The following LONRF2 variants were observed in gnomAD, a reference collection of about 807,000 sequenced individuals.
LONRF2 encodes the protein LON peptidase N-terminal domain and ring finger 2.
A neutral mutation model predicts 66.6 loss-of-function variants in LONRF2; 35 were observed. That is an observed-to-expected ratio of 0.53 (90% confidence interval 0.40 to 0.70). The LOEUF (loss-of-function observed/expected upper bound fraction) is 0.70. Among genes scored for constraint, LONRF2 ranks in the 30% least tolerant of loss-of-function variants. The probability of loss-of-function intolerance (pLI) is 0.00; values close to 1 mark genes in which losing one functional copy is unlikely to be tolerated. For synonymous variants in LONRF2, 417 were observed against 418.1 expected (o/e 1.00, Z 0.03); for missense variants, 902 against 1,002.1 (o/e 0.90, Z 1.35).
intron 4 of LONRF2, among the ~76,000 whole-genome samples, chr2:100,300,365 TG>T (rs1442260240): frequency 2.0e-5 from 3 of 152,194 alleles, no homozygotes; most frequent in African/African-American, 7.2e-5. Context: ...CTTGTCCCTT[TG>T]CTTTATTTTC....
At chr2:100,299,033 G>C in intron 6 of LONRF2, 83 bp from the exon 7 acceptor site, 1 of 1,082,966 alleles carries the variant, frequency 9.2e-7, no homozygotes, top group Non-Finnish European at 1.4e-6. Context: ...GATTCCTTAT[G>C]CAATCCCCTT....
Position 100,278,788 on chromosome 2 carries a change from C to A in LONRF2, c.*5510G>T, listed in dbSNP as rs571847556. On this transcript the variant is annotated 3_prime_UTR_variant, in exon 12 of 12. Coordinates refer to ENST00000393437, the MANE Select transcript of LONRF2 (RefSeq NM_198461.4). ...GATAACTTTGTCCCAGATATTAAAACCTCTGCCCTAGCGATGTCCACGGGC... is the reference window on the plus strand; with the variant it reads ...GATAACTTTGTCCCAGATATTAAAAACTCTGCCCTAGCGATGTCCACGGGC... The A allele has an allele frequency of 1.3e-5, 2 of 152,296 alleles. No individual in the cohort carries two copies. The highest frequency in any genetic ancestry group is 2.1e-4 in the South Asian group (1 of 4,824). 9.4% of individuals were successfully genotyped at this position (152,296 alleles called of 1,614,324 possible). A position where few individuals can be genotyped will look rare whatever the true frequency, so the allele number is the denominator to read the frequency against.
intron 2 of LONRF2, among the ~76,000 whole-genome samples, chr2:100,306,737 AC>A (rs1675298932): frequency 6.6e-6 from 1 of 152,044 alleles, no homozygotes; most frequent in Admixed American, 6.6e-5. Flanking sequence ...TGGTTCTAAA[AC>A]AGCTTCCATC....
chr2:100,312,042 C>G (rs1400041253), intron 1 of LONRF2, among the ~76,000 whole-genome samples: 2 of 151,976 alleles, frequency 1.3e-5, no homozygotes, highest in East Asian at 3.9e-4. Flanking sequence ...CAAGATTATA[C>G]TAACCTTATT....
chr2:100,287,479 G>T (rs1208826197), intron 10 of LONRF2, among the ~76,000 whole-genome samples: 1 of 152,136 alleles, frequency 6.6e-6, no homozygotes, highest in African/African-American at 2.4e-5. Context: ...GACAAGGGAG[G>T]GAGGTATGGT....
intron 6 of LONRF2, 134 bp from the exon 7 acceptor site, chr2:100,299,084 C>A: frequency 1.2e-6 from 1 of 850,970 alleles, no homozygotes; most frequent in Non-Finnish European, 1.8e-6. Flanking sequence ...CATTTTATAT[C>A]TTATTAAATC....
intron 11 of LONRF2, among the ~76,000 whole-genome samples, chr2:100,284,714 A>C (rs1320054450): frequency 6.6e-6 from 1 of 152,246 alleles, no homozygotes; most frequent in Non-Finnish European, 1.5e-5. Flanking sequence ...CTGCAAAGAG[A>C]AGCATCTTCC....
intron 3 of LONRF2, 43 bp from the exon 4 acceptor site, chr2:100,300,830 A>G (rs1250953051): frequency 6.9e-7 from 1 of 1,454,718 alleles, no homozygotes. Flanking sequence ...ATTTTAAAAC[A>G]CTTTTGTAAA....
intron 1 of LONRF2, among the ~76,000 whole-genome samples, chr2:100,311,284 A>C (rs1306739203): frequency 6.6e-6 from 1 of 152,112 alleles, no homozygotes; most frequent in Admixed American, 6.5e-5. Flanking sequence ...AAAAATCCAA[A>C]GGAGATTTGG....
chr2:100,313,506 T>C (rs1179233582), intron 1 of LONRF2, among the ~76,000 whole-genome samples: 1 of 151,906 alleles, frequency 6.6e-6, no homozygotes, highest in Non-Finnish European at 1.5e-5. Flanking sequence ...AATAAATAAA[T>C]AAACAAACAA....
intron 10 of LONRF2, among the ~76,000 whole-genome samples, chr2:100,288,498 TACAGAC>T (rs1381397489): frequency 1.3e-5 from 2 of 152,362 alleles, no homozygotes; most frequent in East Asian, 3.9e-4. Flanking sequence ...CAGTATAATT[TACAGAC>T]CAAAAAGTGC....
rs904699525 is a variant in LONRF2 at position 100,284,191 on chromosome 2, C to A, written c.*107G>T. 1 of 1,066,934 alleles carries A rather than the reference C, an allele frequency of 9.4e-7. No homozygotes were observed. The highest frequency in any genetic ancestry group is 1.6e-5 in the African/African-American group (1 of 61,530). 66.1% of individuals were successfully genotyped at this position (1,066,934 alleles called of 1,614,324 possible). A position where few individuals can be genotyped will look rare whatever the true frequency, so the allele number is the denominator to read the frequency against. On this transcript the variant is annotated 3_prime_UTR_variant, in exon 12 of 12. Coordinates refer to ENST00000393437, the MANE Select transcript of LONRF2 (RefSeq NM_198461.4). ...GTTTGGCAAGCGTCCCATTTTGGAA[C>A]CTCATCCACAAGCACTTGATGAAGC...
Position 100,299,644 on chromosome 2 carries a change from A to C in LONRF2, c.1267+73T>G. 2 of 1,200,170 alleles carry C rather than the reference A, an allele frequency of 1.7e-6. 1 individual carries two copies. Among genetic ancestry groups the C allele is most frequent in the Non-Finnish European group, 2.4e-6 (2 of 840,250 alleles). 74.3% of individuals were successfully genotyped at this position (1,200,170 alleles called of 1,614,324 possible). ...TATTAAATGTTGTAAAAATTTAAAA[A>C]ATATATTGAATACTAGTTAACATTC... On this transcript the variant is annotated intron_variant, in intron 5 of 11. Coordinates refer to ENST00000393437, the MANE Select transcript of LONRF2 (RefSeq NM_198461.4).
chr2:100,288,137 T>G (rs1411361623), intron 10 of LONRF2, among the ~76,000 whole-genome samples: 1 of 152,222 alleles, frequency 6.6e-6, no homozygotes, highest in East Asian at 1.9e-4. Context: ...CAATAAACCC[T>G]GCCGTCAGGT....
Position 100,280,260 on chromosome 2 carries a change from T to C in LONRF2, c.*4038A>G, listed in dbSNP as rs1559172919. 6.6e-6 allele frequency: 1 copy of C among 152,206 alleles called. No homozygotes were observed. The highest frequency in any genetic ancestry group is 2.1e-4 in the South Asian group (1 of 4,830). The allele number at this position is 152,206 out of a possible 1,614,324, so 9.4% of individuals were successfully genotyped here. ...TGGGAGTCAGAGCCAGTGCTCTGAATGAAGTGTCTCACCCCAGTAGAGAGG... is the reference window on the plus strand; with the variant it reads ...TGGGAGTCAGAGCCAGTGCTCTGAACGAAGTGTCTCACCCCAGTAGAGAGG... On this transcript the variant is annotated 3_prime_UTR_variant, in exon 12 of 12. Transcript: ENST00000393437.
chr2:100,302,908 A>G lies in LONRF2; in HGVS notation c.921+13T>C, dbSNP rs1573119437. The G allele has an allele frequency of 1.3e-6, 2 of 1,582,968 alleles. No homozygotes were observed. The highest frequency in any genetic ancestry group is 2.7e-5 in the African/African-American group (2 of 73,796). ...AAGACCTGATAGAGAAAGTCCTTTA[A>G]CAGAACTCATACCTTCTGTGCTTCT... is the stretch of plus-strand genomic sequence containing the variant. On this transcript the variant is annotated intron_variant, in intron 3 of 11. Coordinates refer to ENST00000393437, the MANE Select transcript of LONRF2 (RefSeq NM_198461.4).
At position 100,299,750 on chromosome 2, in the gene LONRF2, C is replaced by G; in HGVS notation, c.1234G>C (p.Asp412His). The G allele has an allele frequency of 6.2e-7, 1 of 1,614,078 alleles. No homozygotes were observed. The highest frequency in any genetic ancestry group is 8.5e-7 in the Non-Finnish European group (1 of 1,180,000). Residue 412 changes from aspartate (D) to histidine (H), a missense_variant, in exon 5 of 12, where the codon GAC becomes CAC. Physicochemically the swap from Asp to His is moderately conservative, Grantham distance 81 (BLOSUM62 -1). Coordinates refer to ENST00000393437, the MANE Select transcript of LONRF2 (RefSeq NM_198461.4). ...QFPDDVEDAP[D>H]LNAPGKIPKK... is the part of the protein sequence containing the mutation. ...GGAATTTTTCCAGGGGCGTTCAGGT[C>G]AGGTGCATCCTCCACGTCATCCGGA... is the stretch of plus-strand genomic sequence containing the variant.
chr2:100,298,182 T>C (rs1439117351), intron 7 of LONRF2, among the ~76,000 whole-genome samples: 1 of 152,220 alleles, frequency 6.6e-6, no homozygotes, highest in Admixed American at 6.5e-5. Flanking sequence ...ACAGCTGATA[T>C]GGATTCACTA....
chr2:100,275,802 C>G lies in LONRF2; in HGVS notation c.*8496G>C, dbSNP rs1287938848. The G allele has an allele frequency of 2.0e-5, 3 of 152,258 alleles. No homozygotes were observed. The highest frequency in any genetic ancestry group is 6.5e-5 in the Admixed American group (1 of 15,298). The allele number at this position is 152,258 out of a possible 1,614,324, so 9.4% of individuals were successfully genotyped here. A position where few individuals can be genotyped will look rare whatever the true frequency, so the allele number is the denominator to read the frequency against. ...GCCTGTCAACATGCTGGGACCGCCT[C>G]CTTCCAACTAAATTGCCACAAAATC... On this transcript the variant is annotated 3_prime_UTR_variant, in exon 12 of 12. Transcript: ENST00000393437.
Sources: gnomAD v4.1 joint callset for allele counts (sites outside exome capture counted in the v4.1 genomes callset) on GRCh38, gnomAD v4.1.1 for gene constraint, MANE v1.5 for transcripts, NCBI Gene and HGNC (gene_info 2026-07-23, HGNC 2026-07-21) for gene names.